TAF4: variants seen among roughly 807,000 people sequenced by gnomAD.
TAF4 encodes transcription initiation factor TFIID subunit 4.
In TAF4, 9 loss-of-function variants were observed where a neutral mutation model predicts 90.3. The ratio of observed to expected loss-of-function variants is 0.10; its 90% CI spans 0.06 to 0.17. TAF4 has a LOEUF of 0.17. Ranked by LOEUF, TAF4 falls within the 10% of genes least tolerant of loss-of-function variation. The probability of loss-of-function intolerance (pLI) is 1.00; values close to 1 mark genes in which losing one functional copy is unlikely to be tolerated. For missense variants in TAF4, 1,351 were observed against 1,370.7 expected (o/e 0.99, Z 0.23); for synonymous variants, 818 against 638.9 (o/e 1.28, Z -4.23).
chr20:62,027,862 A>T (rs925279538), intron 1 of TAF4, among the ~76,000 whole-genome samples: 20 of 152,230 alleles, frequency 1.3e-4, no homozygotes, highest in Non-Finnish European at 2.6e-4. Context: ...AGAAACAGTG[A>T]CTGAGAAACA....
chr20:61,977,775 G>C (rs879346086), intron 14 of TAF4, among the ~76,000 whole-genome samples: 1 of 152,236 alleles, frequency 6.6e-6, no homozygotes, highest in Non-Finnish European at 1.5e-5. Context: ...CCTCCCAAAA[G>C]AGAACTCAGG....
chr20:62,017,327 G>A (rs1313914816), intron 1 of TAF4, among the ~76,000 whole-genome samples: 7 of 151,996 alleles, frequency 4.6e-5, no homozygotes, highest in East Asian at 1.9e-4. Flanking sequence ...TAATTATCAG[G>A]AGCTTTGTGC....
intron 14 of TAF4, among the ~76,000 whole-genome samples, chr20:61,987,077 T>TCAG (rs530735839): frequency 2.0e-5 from 3 of 151,948 alleles, no homozygotes; most frequent in Admixed American, 6.6e-5. Context: ...AGCTTCAAAG[T>TCAG]CAGCAGCAGC....
At chr20:62,021,996 G>A (rs924174403) in intron 1 of TAF4, among the ~76,000 whole-genome samples, 6 of 152,124 alleles carry the variant, frequency 3.9e-5, no homozygotes, top group African/African-American at 1.2e-4. Flanking sequence ...GGCCAGCGGC[G>A]GACAGCATCA....
At chr20:62,046,992 A>C (rs6061407) in intron 1 of TAF4, among the ~76,000 whole-genome samples, 105,469 of 152,116 alleles carry the variant, frequency 0.69, 36,745 homozygotes, top group Middle Eastern at 0.78. Flanking sequence ...TATTTTCTCC[A>C]AGTCGACGGC....
chr20:62,041,327 G>C lies in TAF4; in HGVS notation c.1360+23124C>G, dbSNP rs530387954. ...TGCATGTTAACCTCTATTTAAAGGA[G>C]AGCCCCTACCCTCAAACTGTCAGCC... On this transcript the variant is annotated intron_variant, in intron 1 of 14. Transcript: ENST00000252996. Among the ~76,000 whole-genome samples, 5 of 152,264 alleles carry C rather than the reference G, an allele frequency of 3.3e-5. No individual in the cohort carries two copies. In the South Asian group the frequency reaches 1.0e-3, roughly 32 times the overall value.
At chr20:61,979,314 G>C (rs1200195949) in intron 14 of TAF4, 1 of 152,750 alleles carries the variant, frequency 6.5e-6, no homozygotes, top group Non-Finnish European at 1.5e-5. Flanking sequence ...GCTTGGAGAA[G>C]AGTGCTTAGT....
intron 1 of TAF4, among the ~76,000 whole-genome samples, chr20:62,039,425 CT>C (rs1336136456): frequency 1.6e-4 from 24 of 152,206 alleles, no homozygotes; most frequent in Non-Finnish European, 3.5e-4. Flanking sequence ...TACCTTACAA[CT>C]CTCCCAAAAT....
intron 14 of TAF4, among the ~76,000 whole-genome samples, chr20:61,992,260 T>C (rs2123112825): frequency 1.3e-5 from 2 of 152,306 alleles, no homozygotes; most frequent in Non-Finnish European, 2.9e-5. Context: ...ACAACATAAA[T>C]ACAGCACAAA....
chr20:61,990,651 C>T (rs1474869708), intron 14 of TAF4, among the ~76,000 whole-genome samples: 3 of 152,154 alleles, frequency 2.0e-5, no homozygotes, highest in Admixed American at 6.5e-5. Context: ...GCCTGGCCAC[C>T]GCAAATGCCC....
chr20:62,045,185 G>A (rs549295870), intron 1 of TAF4, among the ~76,000 whole-genome samples: 18 of 152,304 alleles, frequency 1.2e-4, no homozygotes, highest in Middle Eastern at 6.8e-3. Context: ...CCGCTCAAAC[G>A]GAATCCCATC....
chr20:62,050,094 G>A (rs1405137375), intron 1 of TAF4, among the ~76,000 whole-genome samples: 1 of 152,146 alleles, frequency 6.6e-6, no homozygotes, highest in East Asian at 1.9e-4. Flanking sequence ...CTGACAAACT[G>A]TTTTTCTACA....
At chr20:61,997,047 A>G (rs1394790843) in intron 14 of TAF4, among the ~76,000 whole-genome samples, 5 of 152,254 alleles carry the variant, frequency 3.3e-5, no homozygotes, top group Admixed American at 3.3e-4. Context: ...AACAACTGAC[A>G]GTTGAAAGCA....
intron 3 of TAF4, among the ~76,000 whole-genome samples, chr20:62,011,069 G>T (rs541799633): frequency 6.6e-6 from 1 of 152,174 alleles, no homozygotes; most frequent in Non-Finnish European, 1.5e-5. Flanking sequence ...GTGCAGCCCC[G>T]CCAGCACGTG....
intron 1 of TAF4, among the ~76,000 whole-genome samples, chr20:62,054,276 G>A (rs11905931): frequency 0.52 from 79,065 of 151,994 alleles, 21,108 homozygotes; most frequent in Middle Eastern, 0.67. Context: ...GGGCCACGGG[G>A]TTTTGGAGAA....
At position 62,006,807 on chromosome 20, in the gene TAF4, G is replaced by C; in HGVS notation, c.1975-49C>G. On this transcript the variant is annotated intron_variant, in intron 6 of 14. Coordinates refer to ENST00000252996, the MANE Select transcript of TAF4 (RefSeq NM_003185.4). This position sits in a 1 kb window ranked among gnomAD's most constrained non-coding sequence, Gnocchi z 7.0. ...GGGTCAGGCGGCTGCTCATGCGTCG[G>C]TTTTCCTTGCTTAAAAATTCAGAAA... 2 of 1,416,696 alleles carry C rather than the reference G, an allele frequency of 1.4e-6. No homozygotes were observed. The highest frequency in any genetic ancestry group is 1.9e-6 in the Non-Finnish European group (2 of 1,074,860). The allele number at this position is 1,416,696 out of a possible 1,614,324, so 87.8% of individuals were successfully genotyped here.
intron 9 of TAF4, 54 bp downstream of exon 9, chr20:62,003,106 G>T: frequency 6.7e-7 from 1 of 1,501,048 alleles, no homozygotes; most frequent in Non-Finnish European, 9.3e-7. Flanking sequence ...ACGGACTCTG[G>T]ACTCTTCTCC....
chr20:61,982,230 T>TCACACCCCACCC (rs2055550963), intron 14 of TAF4, among the ~76,000 whole-genome samples: 3 of 10,784 alleles, frequency 2.8e-4, no homozygotes, highest in African/African-American at 4.2e-4. Context: ...CCACACCCAC[T>TCACACCCCACCC]GAGAGGAAAC....
chr20:61,995,217 C>A (rs1035797508), intron 14 of TAF4, among the ~76,000 whole-genome samples: 1 of 152,066 alleles, frequency 6.6e-6, no homozygotes, highest in African/African-American at 2.4e-5. Flanking sequence ...AAACAGCAGT[C>A]GAGAGAAACT....
Sources: gnomAD v4.1 joint callset for allele counts (sites outside exome capture counted in the v4.1 genomes callset) on GRCh38, gnomAD v4.1.1 for gene constraint, Gnocchi (gnomAD v3.1) non-coding constraint, MANE v1.5 for transcripts, NCBI Gene and HGNC (gene_info 2026-07-23, HGNC 2026-07-21) for gene names.